Variants in MAP4K3 observed in about 807,000 individuals in gnomAD.
MAP4K3 encodes MAPK/ERK kinase kinase kinase 3.
Under a neutral mutation model 143.5 loss-of-function variants are expected in MAP4K3, and 94 were observed. The observed-to-expected ratio is 0.65, with a 90% CI of 0.55 to 0.78. MAP4K3 has a LOEUF of 0.78. Among genes scored for constraint, MAP4K3 ranks in the 30% least tolerant of loss-of-function variants. The pLI is 0.00. For synonymous variants in MAP4K3, 416 were observed against 347.2 expected (o/e 1.20, Z -2.20); for missense variants, 1,077 against 1,068.1 (o/e 1.01, Z -0.12).
At chr2:39,312,380 C>T (rs1180919162) in intron 13 of MAP4K3, among the ~76,000 whole-genome samples, 1 of 152,060 alleles carries the variant, frequency 6.6e-6, no homozygotes, top group Non-Finnish European at 1.5e-5. Flanking sequence ...CAATATATTA[C>T]ATTTCAACTA....
At chr2:39,429,725 T>C (rs1665225840) in intron 1 of MAP4K3, among the ~76,000 whole-genome samples, 1 of 152,170 alleles carries the variant, frequency 6.6e-6, no homozygotes, top group Admixed American at 6.5e-5. Flanking sequence ...TTCAAAAATT[T>C]GTATGGAAAA....
rs995745566 is a variant in MAP4K3 at position 39,314,490 on chromosome 2, C to A, written c.997+820G>T. On this transcript the variant is annotated intron_variant, in intron 13 of 33. Coordinates refer to ENST00000263881, the MANE Select transcript of MAP4K3 (RefSeq NM_003618.4). ...ATTTAAAACGTGACTTCAGCAGGAG[C>A]TTTAAAGATAATTTTATATGATCAC... 4.6e-5 allele frequency among the ~76,000 whole-genome samples: 7 copies of A among 152,246 alleles called. 1 individual carries two copies. The South Asian group carries it at 1.5e-3, about 32-fold the overall frequency.
At chr2:39,288,527 G>A (rs1219619543) in intron 19 of MAP4K3, among the ~76,000 whole-genome samples, 3 of 152,044 alleles carry the variant, frequency 2.0e-5, no homozygotes, top group African/African-American at 7.2e-5. Flanking sequence ...CCTCTAAGTC[G>A]ACTTTTTTAT....
rs1365800647 is a variant in MAP4K3 at position 39,356,283 on chromosome 2, G to T, written c.211C>A (p.Pro71Thr). 5 of 1,602,062 alleles carry T rather than the reference G, an allele frequency of 3.1e-6. No homozygotes were observed. Among genetic ancestry groups the T allele is most frequent in the Non-Finnish European group, 4.3e-6 (5 of 1,174,416 alleles). Residue 71 changes from proline to threonine, a missense_variant, in exon 3 of 34, where the codon CCA (proline) becomes ACA (threonine). Pro to Thr is a conservative substitution (Grantham distance 38). Around this residue, in one of 2 missense-constraint regions of MAP4K3, gnomAD observed 213 missense variants for 266.8 expected, o/e 0.80. Coordinates refer to ENST00000263881, the MANE Select transcript of MAP4K3 (RefSeq NM_003618.4). ...EIIMMKDCKH[P>T]NIVAYFGSYL... ...CTTCCAAAATAAGCAACAATATTTG[G>T]GTGTTTACAGTCTTTCATCATAATA...
chr2:39,335,512 ATTCTC>A (rs1167952972), intron 6 of MAP4K3, among the ~76,000 whole-genome samples: 2 of 152,142 alleles, frequency 1.3e-5, no homozygotes, highest in Non-Finnish European at 2.9e-5. Flanking sequence ...AGTCTCATAC[ATTCTC>A]TTCTCTTCAA....
intron 12 of MAP4K3, among the ~76,000 whole-genome samples, chr2:39,324,720 C>G (rs950071885): frequency 6.6e-6 from 1 of 152,186 alleles, no homozygotes; most frequent in Non-Finnish European, 1.5e-5. Context: ...GTTACAGACC[C>G]AATAACAGAA....
At chr2:39,274,222 T>A (rs1355635689) in intron 24 of MAP4K3, among the ~76,000 whole-genome samples, 1 of 144,386 alleles carries the variant, frequency 6.9e-6, no homozygotes, top group Non-Finnish European at 1.5e-5. Context: ...TTTCTCTCTC[T>A]TTTTTTTTTT....
chr2:39,284,097 T>G (rs1233269093), intron 21 of MAP4K3, among the ~76,000 whole-genome samples: 1 of 152,240 alleles, frequency 6.6e-6, no homozygotes, highest in East Asian at 1.9e-4. Flanking sequence ...ATATATATTT[T>G]TTCTTATATT....
At chr2:39,416,006 A>AAAAT (rs1553318633) in intron 1 of MAP4K3, among the ~76,000 whole-genome samples, 5 of 75,880 alleles carry the variant, frequency 6.6e-5, no homozygotes, top group African/African-American at 3.6e-4. Flanking sequence ...TATATATATA[A>AAAAT]AAATAACATT....
intron 13 of MAP4K3, among the ~76,000 whole-genome samples, chr2:39,312,395 G>C (rs563794399): frequency 6.6e-6 from 1 of 151,788 alleles, no homozygotes; most frequent in South Asian, 2.1e-4. Context: ...CAACTAGTAA[G>C]AGCTTCAGCC....
intron 24 of MAP4K3, among the ~76,000 whole-genome samples, chr2:39,276,417 A>G (rs1460794412): frequency 6.6e-6 from 1 of 152,174 alleles, no homozygotes; most frequent in East Asian, 1.9e-4. Context: ...TAGATCTCTG[A>G]TCTTTCTCTA....
rs755031659 is a variant in MAP4K3, at chr2:39,356,261, C to A, written c.233G>T (p.Gly78Val). The change falls in exon 3 of 34, where the codon GGA becomes GTA. Residue 78 changes from glycine (G) to valine (V), a missense_variant. Physicochemically the swap from Gly to Val is moderately radical, Grantham distance 109. Coordinates refer to ENST00000263881, the MANE Select transcript of MAP4K3 (RefSeq NM_003618.4). ...ACAAACAGTATACCTGAGATAGCTT[C>A]CAAAATAAGCAACAATATTTGGGTG... ...CKHPNIVAYF[G>V]SYLRRDKLWI... 6.3e-7 allele frequency: 1 copy of A among 1,593,140 alleles called. No homozygotes were observed. Among genetic ancestry groups the A allele is most frequent in the South Asian group, 1.1e-5 (1 of 87,300 alleles).
chr2:39,278,726 G>A (rs1425556751), intron 23 of MAP4K3, among the ~76,000 whole-genome samples: 1 of 152,214 alleles, frequency 6.6e-6, no homozygotes, highest in Non-Finnish European at 1.5e-5. Flanking sequence ...GAGTGGCATA[G>A]TAGATTCTTC....
intron 12 of MAP4K3, among the ~76,000 whole-genome samples, chr2:39,324,547 A>T (rs1426321884): frequency 1.3e-5 from 2 of 152,202 alleles, no homozygotes; most frequent in African/African-American, 2.4e-5. Context: ...ATCTATCATA[A>T]GATGGCAAGC....
intron 8 of MAP4K3, among the ~76,000 whole-genome samples, chr2:39,331,355 T>A (rs1683675852): frequency 6.6e-6 from 1 of 152,140 alleles, no homozygotes; most frequent in African/African-American, 2.4e-5. Context: ...ATAGTTTTTA[T>A]ACTATGATCA....
intron 16 of MAP4K3, among the ~76,000 whole-genome samples, chr2:39,298,982 A>AC (rs373128455): frequency 0.032 from 4,768 of 150,848 alleles, 119 homozygotes; most frequent in South Asian, 0.055. Context: ...AAAAAAAAAA[A>AC]GGAATTTTAA....
intron 31 of MAP4K3, among the ~76,000 whole-genome samples, chr2:39,257,102 A>T (rs1035532799): frequency 6.6e-6 from 1 of 152,246 alleles, no homozygotes; most frequent in African/African-American, 2.4e-5. Flanking sequence ...AGAACCAGGA[A>T]TAAGACAATG....
At chr2:39,421,256 A>G (rs1358394278) in intron 1 of MAP4K3, among the ~76,000 whole-genome samples, 1 of 151,952 alleles carries the variant, frequency 6.6e-6, no homozygotes, top group African/African-American at 2.4e-5. Context: ...GGTCTCACCT[A>G]CCTCTCTACA....
At chr2:39,418,104 G>A (rs1572507771) in intron 1 of MAP4K3, among the ~76,000 whole-genome samples, 2 of 151,840 alleles carry the variant, frequency 1.3e-5, no homozygotes, top group Admixed American at 6.6e-5. Context: ...TCAGGAGGCT[G>A]AGGCAGGAGA....
Sources: gnomAD v4.1 joint callset for allele counts (sites outside exome capture counted in the v4.1 genomes callset) on GRCh38, gnomAD v4.1.1 for gene constraint, gnomAD v4.1.1 regional missense constraint, MANE v1.5 for transcripts, NCBI Gene and HGNC (gene_info 2026-07-23, HGNC 2026-07-21) for gene names.